Variants in FRMD4A observed in about 807,000 individuals in gnomAD.
FRMD4A encodes FERM domain-containing protein 4A.
In FRMD4A, 29 loss-of-function variants were observed where a neutral mutation model predicts 129.1. The observed-to-expected ratio is 0.22, with a 90% CI of 0.17 to 0.31. The LOEUF is 0.31. Ranked by LOEUF, FRMD4A falls within the 10% of genes least tolerant of loss-of-function variation. The pLI, the probability that FRMD4A is intolerant of heterozygous loss-of-function variation, is 1.00. For missense variants in FRMD4A, 1,272 were observed against 1,375.8 expected, an observed-to-expected ratio of 0.92 and a Z score of 1.19; for synonymous variants, 634 against 571.6, an observed-to-expected ratio of 1.11 and a Z score of -1.56.
chr10:14,049,853 T>A (rs766612707), intron 2 of FRMD4A, among the ~76,000 whole-genome samples: 14 of 152,204 alleles, frequency 9.2e-5, no homozygotes, highest in Non-Finnish European at 1.9e-4. Flanking sequence ...AGACTCCATC[T>A]CAAATAAAAC....
intron 9 of FRMD4A, among the ~76,000 whole-genome samples, chr10:13,741,075 C>T (rs2090973479): frequency 1.3e-5 from 2 of 152,120 alleles, no homozygotes; most frequent in Admixed American, 1.3e-4. Flanking sequence ...GATCCACCCA[C>T]CTTGGCCTCC....
Position 13,733,572 on chromosome 10 carries a change from C to T in FRMD4A, c.759+4272G>A, listed in dbSNP as rs146470571. 6.1e-3 allele frequency among the ~76,000 whole-genome samples: 922 copies of T among 152,200 alleles called. 8 individuals are homozygous for T. The highest frequency in any genetic ancestry group is 0.021 in the African/African-American group (859 of 41,542). Reference sequence around the variant, plus strand: ...CGAGTAGCTGAGATTATAGGCGCCCCGCCCCCGCAGCAGGCCTGGCTAATT... The same window carrying T: ...CGAGTAGCTGAGATTATAGGCGCCCTGCCCCCGCAGCAGGCCTGGCTAATT... On this transcript the variant is annotated intron_variant, in intron 12 of 24. Coordinates refer to ENST00000357447, the MANE Select transcript of FRMD4A (RefSeq NM_018027.5).
At chr10:14,307,092 A>G (rs1846379565) in intron 2 of FRMD4A, among the ~76,000 whole-genome samples, 1 of 152,230 alleles carries the variant, frequency 6.6e-6, no homozygotes, top group African/African-American at 2.4e-5. Flanking sequence ...ATTCTCATGT[A>G]TTAGCCATTA....
chr10:13,854,751 A>G (rs1327492814), intron 3 of FRMD4A, among the ~76,000 whole-genome samples: 2 of 152,100 alleles, frequency 1.3e-5, no homozygotes, highest in African/African-American at 4.8e-5. Flanking sequence ...CTTTTTTTAA[A>G]GTACATTTCC....
chr10:14,293,141 T>G (rs924567397), intron 2 of FRMD4A, among the ~76,000 whole-genome samples: 1 of 152,218 alleles, frequency 6.6e-6, no homozygotes, highest in Non-Finnish European at 1.5e-5. Flanking sequence ...TAATCTCCAA[T>G]GCAACAGTGT....
At chr10:14,048,829 A>T (rs11594431) in intron 2 of FRMD4A, among the ~76,000 whole-genome samples, 96 of 4,194 alleles carry the variant, frequency 0.023, 2 homozygotes, top group Admixed American at 0.15. Context: ...ATAGATTAGA[A>T]TAGAATAGAA....
intron 2 of FRMD4A, among the ~76,000 whole-genome samples, chr10:14,278,880 G>A (rs1845426875): frequency 6.6e-6 from 1 of 152,182 alleles, no homozygotes; most frequent in Non-Finnish European, 1.5e-5. Flanking sequence ...TTAATTTTGT[G>A]TACTCAGGAA....
At chr10:14,065,545 G>A (rs930932862) in intron 2 of FRMD4A, among the ~76,000 whole-genome samples, 1 of 151,946 alleles carries the variant, frequency 6.6e-6, no homozygotes, top group African/African-American at 2.4e-5. Context: ...GTGGTCACAG[G>A]GCAGCCTCCT....
intron 12 of FRMD4A, among the ~76,000 whole-genome samples, chr10:13,722,208 T>G (rs2089471348): frequency 6.6e-6 from 1 of 150,834 alleles, no homozygotes; most frequent in Admixed American, 6.6e-5. Context: ...TTGCATGAAC[T>G]ATTCCACTGG....
chr10:13,694,112 G>T, intron 14 of FRMD4A, 73 bp from the exon 15 acceptor site: 2 of 1,270,734 alleles, frequency 1.6e-6, no homozygotes, highest in Non-Finnish European at 2.1e-6. Flanking sequence ...CCTCGCCCGC[G>T]CCTGCTCACC....
Position 13,654,493 on chromosome 10 carries a change from C to T in FRMD4A, c.2973G>A (p.Gln991=). The change falls in exon 23 of 25, where the codon CAG becomes CAA. Residue 991 remains glutamine, a synonymous_variant. Transcript: ENST00000357447. ...KATSAALPQS[Q]RSSTPSSEIG... is the part of the protein sequence containing the mutation. ...TTTCACTTGACGGTGTCGAGCTTCTCTGGCTTTGAGGTAAGGCAGCTACAT... is the reference window on the plus strand; with the variant it reads ...TTTCACTTGACGGTGTCGAGCTTCTTTGGCTTTGAGGTAAGGCAGCTACAT... 6.2e-7 allele frequency: 1 copy of T among 1,613,664 alleles called. No homozygotes were observed. Among genetic ancestry groups the T allele is most frequent in the Non-Finnish European group, 8.5e-7 (1 of 1,179,600 alleles).
chr10:13,727,477 ATGGCGG>A, intron 12 of FRMD4A, among the ~76,000 whole-genome samples: 1 of 152,140 alleles, frequency 6.6e-6, no homozygotes, highest in South Asian at 2.1e-4. Flanking sequence ...CTCAACAGTG[ATGGCGG>A]TGGCTCCGGG....
At chr10:13,989,591 T>C (rs891836240) in intron 2 of FRMD4A, among the ~76,000 whole-genome samples, 2 of 152,218 alleles carry the variant, frequency 1.3e-5, no homozygotes, top group Non-Finnish European at 2.9e-5. Flanking sequence ...CCTCCCAAAG[T>C]GCTGGGATTA....
At chr10:14,087,080 T>A (rs1390541607) in intron 2 of FRMD4A, among the ~76,000 whole-genome samples, 1 of 152,032 alleles carries the variant, frequency 6.6e-6, no homozygotes, top group African/African-American at 2.4e-5. Context: ...CAGGGCAAAT[T>A]GGAACCAGCT....
chr10:13,659,524 A>G (rs1360005323), intron 20 of FRMD4A, 34 bp from the exon 21 acceptor site: 1 of 1,596,838 alleles, frequency 6.3e-7, no homozygotes, highest in Admixed American at 1.7e-5. Context: ...GGTCACCGCC[A>G]GACAGACAGC....
At chr10:13,723,518 C>A (rs1190068549) in intron 12 of FRMD4A, among the ~76,000 whole-genome samples, 1 of 152,132 alleles carries the variant, frequency 6.6e-6, no homozygotes, top group Non-Finnish European at 1.5e-5. Flanking sequence ...TTCTGAAGAT[C>A]TGTTGCGCAA....
At chr10:14,112,725 C>T (rs1412058802) in intron 2 of FRMD4A, among the ~76,000 whole-genome samples, 5 of 152,160 alleles carry the variant, frequency 3.3e-5, no homozygotes, top group African/African-American at 1.2e-4. Context: ...GGGGTTTCAT[C>T]ATGTTGGCCA....
intron 2 of FRMD4A, among the ~76,000 whole-genome samples, chr10:14,197,751 A>G (rs981571757): frequency 1.3e-5 from 2 of 152,280 alleles, no homozygotes; most frequent in African/African-American, 4.8e-5. Context: ...GCATACATGT[A>G]AACTTTGGCA....
At chr10:13,929,150 T>C (rs1427068307) in intron 2 of FRMD4A, among the ~76,000 whole-genome samples, 1 of 152,256 alleles carries the variant, frequency 6.6e-6, no homozygotes, top group African/African-American at 2.4e-5. Context: ...AGGAGTTTTT[T>C]ATTTTTAAAT....
Sources: allele counts gnomAD v4.1 joint callset (sites outside exome capture counted in the v4.1 genomes callset), GRCh38; gene constraint gnomAD v4.1.1; transcripts MANE v1.5; gene names NCBI Gene and HGNC (gene_info 2026-07-23, HGNC 2026-07-21).